RASGEF1C: variants seen among roughly 807,000 people sequenced by gnomAD.
RASGEF1C encodes the protein RasGEF domain family member 1C.
A neutral mutation model predicts 58.1 loss-of-function variants in RASGEF1C; 27 were observed. The ratio of observed to expected loss-of-function variants is 0.46; its 90% CI spans 0.34 to 0.64. RASGEF1C has a LOEUF of 0.64. Among genes scored for constraint, RASGEF1C ranks in the 30% least tolerant of loss-of-function variants. The pLI is 0.01. For synonymous variants in RASGEF1C, 243 were observed against 246.3 expected, an observed-to-expected ratio of 0.99 and a Z score of 0.13; for missense variants, 502 against 605.1, an observed-to-expected ratio of 0.83 and a Z score of 1.79.
intron 5 of RASGEF1C, 134 bp from the exon 6 acceptor site, chr5:180,127,817 G>T (rs903846032): frequency 2.7e-5 from 21 of 766,152 alleles, no homozygotes; most frequent in Non-Finnish European, 4.3e-5. Flanking sequence ...CCCCACTGGG[G>T]CTTGGAGACC....
At position 180,182,472 on chromosome 5, in the gene RASGEF1C, G is replaced by C. The variant is rs114191904; in HGVS notation, c.-7+26556C>G. ...AGCTGGAAGAGAACCCCAGCAGGTT[G>C]CCGCTGTTGGCTGGGATGGCCAGCT... On this transcript the variant is annotated intron_variant, in intron 1 of 13. Transcript: ENST00000361132. 7.7e-3 allele frequency among the ~76,000 whole-genome samples: 1,169 copies of C among 152,296 alleles called. 15 individuals are homozygous for C. Among genetic ancestry groups the C allele is most frequent in the African/African-American group, 0.027 (1,109 of 41,562 alleles).
At chr5:180,180,988 C>T (rs1334473631) in intron 1 of RASGEF1C, among the ~76,000 whole-genome samples, 2 of 152,334 alleles carry the variant, frequency 1.3e-5, no homozygotes, top group East Asian at 1.9e-4. Context: ...GGGATCACCA[C>T]GCAGGGCACT....
intron 6 of RASGEF1C, among the ~76,000 whole-genome samples, chr5:180,121,670 C>T: frequency 1.1e-5 from 1 of 89,828 alleles, no homozygotes; most frequent in South Asian, 4.0e-4. Flanking sequence ...CACACACACA[C>T]ACACACACAC....
intron 1 of RASGEF1C, among the ~76,000 whole-genome samples, chr5:180,165,661 A>G (rs1376242548): frequency 8.6e-6 from 1 of 115,728 alleles, no homozygotes; most frequent in East Asian, 2.3e-4. Flanking sequence ...ACAGAGCGAA[A>G]CTCTGTCTCA....
At chr5:180,206,152 A>T (rs1756484515) in intron 1 of RASGEF1C, among the ~76,000 whole-genome samples, 2 of 152,202 alleles carry the variant, frequency 1.3e-5, no homozygotes, top group Non-Finnish European at 1.5e-5. Context: ...CAGGGCTTGG[A>T]TTTTTAGTGT....
At chr5:180,161,507 G>C (rs569024009) in intron 1 of RASGEF1C, among the ~76,000 whole-genome samples, 1 of 152,236 alleles carries the variant, frequency 6.6e-6, no homozygotes, top group Non-Finnish European at 1.5e-5. Context: ...CGGGGCCATC[G>C]CCGTGGCGTC....
intron 1 of RASGEF1C, among the ~76,000 whole-genome samples, chr5:180,174,567 C>T (rs1186733042): frequency 5.5e-5 from 8 of 146,700 alleles, no homozygotes; most frequent in East Asian, 2.0e-4. Context: ...TGTGTGTGCA[C>T]GTGTGTCTGT....
At chr5:180,109,900 A>G (rs1765930731) in intron 12 of RASGEF1C, among the ~76,000 whole-genome samples, 1 of 150,348 alleles carries the variant, frequency 6.7e-6, no homozygotes, top group Non-Finnish European at 1.5e-5. Context: ...CCAGAAGTGT[A>G]TAAGGAAACT....
chr5:180,138,703 C>T (rs1478505451), intron 1 of RASGEF1C, among the ~76,000 whole-genome samples: 1 of 152,178 alleles, frequency 6.6e-6, no homozygotes, highest in Non-Finnish European at 1.5e-5. Context: ...CTTAACCTGG[C>T]ATTCTGGGCT....
chr5:180,122,637 A>G (rs921157419), intron 6 of RASGEF1C, among the ~76,000 whole-genome samples: 7 of 150,264 alleles, frequency 4.7e-5, no homozygotes, highest in Non-Finnish European at 7.4e-5. Flanking sequence ...GCTACTCAGG[A>G]GGCTGAGGCA....
intron 1 of RASGEF1C, among the ~76,000 whole-genome samples, chr5:180,169,424 G>C (rs1317556166): frequency 6.6e-6 from 1 of 152,140 alleles, no homozygotes; most frequent in Non-Finnish European, 1.5e-5. Context: ...TCTGCTCCTG[G>C]AAGCAGCGTT....
intron 1 of RASGEF1C, among the ~76,000 whole-genome samples, chr5:180,139,206 G>C (rs568422904): frequency 6.6e-6 from 1 of 152,290 alleles, no homozygotes; most frequent in Admixed American, 6.5e-5. Flanking sequence ...CTCTAGGCCA[G>C]TCTTCCTTGA....
At position 180,198,739 on chromosome 5, in the gene RASGEF1C, G is replaced by C. The variant is rs1351111296; in HGVS notation, c.-7+10289C>G. On this transcript the variant is annotated intron_variant, in intron 1 of 13. Transcript: ENST00000361132. The surrounding 1 kb of genome is among the most constrained non-coding windows in gnomAD (Gnocchi z 4.5). ...ATTATGTTTCAACATATAAATTTGT[G>C]GGGGGACATGCTCAGACCATAGCAG... Among the ~76,000 whole-genome samples the C allele has an allele frequency of 6.6e-6, 1 of 152,174 alleles. No individual in the cohort carries two copies. Among genetic ancestry groups the C allele is most frequent in the Non-Finnish European group, 1.5e-5 (1 of 68,036 alleles).
chr5:180,159,146 AT>A (rs200173451), intron 1 of RASGEF1C, among the ~76,000 whole-genome samples: 28,840 of 146,702 alleles, frequency 0.2, 3,184 homozygotes, highest in Non-Finnish European at 0.25. Context: ...TTTTTAATTA[AT>A]TTTTTTTTTT....
chr5:180,165,683 A>AT (rs201554452), intron 1 of RASGEF1C, among the ~76,000 whole-genome samples: 61,970 of 145,972 alleles, frequency 0.42, 14,335 homozygotes, highest in Non-Finnish European at 0.53. Context: ...AAAAAAAAAA[A>AT]ATTCTTGTTC....
intron 4 of RASGEF1C, among the ~76,000 whole-genome samples, chr5:180,134,571 C>T (rs943806918): frequency 4.6e-5 from 7 of 151,694 alleles, no homozygotes; most frequent in East Asian, 2.0e-4. Context: ...TCTCCAGCCA[C>T]GTGCTACCAC....
At chr5:180,192,183 G>A (rs566582146) in intron 1 of RASGEF1C, among the ~76,000 whole-genome samples, 12 of 152,234 alleles carry the variant, frequency 7.9e-5, no homozygotes, top group East Asian at 1.9e-4. Context: ...TTGATCACAC[G>A]GGAAAATATC....
intron 11 of RASGEF1C, among the ~76,000 whole-genome samples, chr5:180,112,647 C>T (rs1765977188): frequency 6.6e-6 from 1 of 152,222 alleles, no homozygotes. Flanking sequence ...GGGAGAAGAG[C>T]CCCCTCCTTC....
chr5:180,191,981 C>G (rs1756172384), intron 1 of RASGEF1C, among the ~76,000 whole-genome samples: 1 of 152,200 alleles, frequency 6.6e-6, no homozygotes, highest in Non-Finnish European at 1.5e-5. Flanking sequence ...AGGACCTCAG[C>G]TGTGAGAGGC....
Sources: gnomAD v4.1 joint callset for allele counts (sites outside exome capture counted in the v4.1 genomes callset) on GRCh38, gnomAD v4.1.1 for gene constraint, Gnocchi (gnomAD v3.1) non-coding constraint, MANE v1.5 for transcripts, NCBI Gene and HGNC (gene_info 2026-07-23, HGNC 2026-07-21) for gene names.